The following ZNF780A variants were observed in gnomAD, a reference collection of about 807,000 sequenced individuals.
ZNF780A encodes the protein zinc finger protein 780A.
A neutral mutation model predicts 56.7 loss-of-function variants in ZNF780A; 40 were observed. The ratio of observed to expected loss-of-function variants is 0.71; its 90% CI spans 0.55 to 0.92. The LOEUF is 0.92. Among genes scored for constraint, ZNF780A ranks in the 40% least tolerant of loss-of-function variants. The pLI is 0.00. For missense variants in ZNF780A, 672 were observed against 783.3 expected (o/e 0.86, Z 1.70); for synonymous variants, 231 against 248.3 (o/e 0.93, Z 0.66).
downstream of ZNF780A, chr19:40,071,842 G>C (rs1973830158): frequency 6.6e-6 from 1 of 152,488 alleles, no homozygotes. Context: ...GCAACAAAGA[G>C]AACAACACTA....
chr19:40,085,451 A>C (rs1974741074), intron 2 of ZNF780A: 1 of 583,400 alleles, frequency 1.7e-6, no homozygotes, highest in Non-Finnish European at 2.2e-6. Context: ...TAATATGATT[A>C]CATTTGTAAA....
rs1237395345 is a variant in ZNF780A, at chr19:40,089,170, T to A, written c.-46+996A>T. ...TCTTGAAAAATGCTAGGAGGGTGGA[T>A]ATTAAGTGTTCTCACCACAAAAATG... On this transcript the variant is annotated intron_variant, in intron 2 of 5. Transcript: ENST00000683561. 36 of 1,230,260 alleles carry A rather than the reference T, an allele frequency of 2.9e-5. No individual in the cohort carries two copies. In the East Asian group the frequency reaches 9.7e-4, roughly 33 times the overall value. 76.2% of individuals were successfully genotyped at this position (1,230,260 alleles called of 1,614,324 possible).
intron 4 of ZNF780A, 43 bp from the exon 5 acceptor site, chr19:40,081,957 A>AT (rs34297473): frequency 0.019 from 23,939 of 1,229,882 alleles, 8 homozygotes; most frequent in East Asian, 0.021. Context: ...TTTAATACAG[A>AT]TTTTTTTTTT....
At chr19:40,089,977 G>C (rs866248739) in intron 2 of ZNF780A, among the ~76,000 whole-genome samples, 189 bp downstream of exon 2, 42 of 152,188 alleles carry the variant, frequency 2.8e-4, no homozygotes, top group African/African-American at 9.4e-4. Flanking sequence ...TACCAGCTTC[G>C]AAAAAGAGAG....
rs1452218001 is a variant in ZNF780A, at chr19:40,073,117, T to C, written c.*1399A>G. ...TGATTAAATAAAGGGTAAAGTGTCA[T>C]GATGTCTAAAACTTATTCTCAATGG... On this transcript the variant is annotated 3_prime_UTR_variant, in exon 6 of 6. Transcript: ENST00000683561. 7 of 1,287,636 alleles carry C rather than the reference T, an allele frequency of 5.4e-6. No individual in the cohort carries two copies. The highest frequency in any genetic ancestry group is 3.1e-5 in the African/African-American group (2 of 64,690). The allele number at this position is 1,287,636 out of a possible 1,614,324, so 79.8% of individuals were successfully genotyped here. A position where few individuals can be genotyped will look rare whatever the true frequency, so the allele number is the denominator to read the frequency against.
downstream of ZNF780A, chr19:40,072,968 C>T: frequency 6.5e-7 from 1 of 1,538,300 alleles, no homozygotes; most frequent in Non-Finnish European, 8.7e-7. Context: ...GTTTGGAAGC[C>T]AATGAAGAAA....
intron 4 of ZNF780A, among the ~76,000 whole-genome samples, chr19:40,082,547 TC>T (rs1156690621): frequency 6.6e-6 from 1 of 152,190 alleles, no homozygotes; most frequent in Non-Finnish European, 1.5e-5. Context: ...TAAATGAATT[TC>T]TGTCAACCCA....
At position 40,075,430 on chromosome 19, in the gene ZNF780A, A is replaced by G. The variant is rs200052618; in HGVS notation, c.1012T>C (p.Cys338Arg). Residue 338 changes from cysteine to arginine, a missense_variant, in exon 6 of 6, where the codon TGT (cysteine) becomes CGT (arginine). Physicochemically the swap from Cys to Arg is radical, Grantham distance 180 (BLOSUM62 -3). Coordinates refer to ENST00000683561, the MANE Select transcript of ZNF780A (RefSeq NM_001142578.2). ...TGEKPFECKE[C>R]GKAFTLLTKL... The stretch of plus-strand genomic sequence containing the variant: ...GTCAGAAGAGTAAACGCCTTTCCAC[A>G]TTCTTTACATTCAAAGGGTTTCTCA... 18 of 1,614,082 alleles carry G rather than the reference A, an allele frequency of 1.1e-5. No homozygotes were observed. Among genetic ancestry groups the G allele is most frequent in the Non-Finnish European group, 1.5e-5 (18 of 1,180,028 alleles).
rs755959824 is a variant in ZNF780A, at chr19:40,084,797, C to T, written c.-44G>A. 2 of 1,552,464 alleles carry T rather than the reference C, an allele frequency of 1.3e-6. No homozygotes were observed. The highest frequency in any genetic ancestry group is 2.0e-5 in the Admixed American group (1 of 51,162). On this transcript the variant is annotated splice_region_variant and 5_prime_UTR_variant, in exon 3 of 6. Coordinates refer to ENST00000683561, the MANE Select transcript of ZNF780A (RefSeq NM_001142578.2). The stretch of plus-strand genomic sequence containing the variant: ...CTGGTCAATCTTCCTCGGGCTTCTC[C>T]CCTGGAAAACAACAACAACAAAAAG...
intron 5 of ZNF780A, 110 bp from the exon 6 acceptor site, chr19:40,076,319 A>G: frequency 8.7e-7 from 1 of 1,148,936 alleles, no homozygotes; most frequent in Non-Finnish European, 1.2e-6. Flanking sequence ...ACCTTTATTG[A>G]TTTTATTAGC....
In ZNF780A at chr19:40,073,917, A is replaced by G. The variant is rs1281148546; in HGVS notation, c.*599T>C. 1 of 1,018,916 alleles carries G rather than the reference A, an allele frequency of 9.8e-7. No individual in the cohort carries two copies. The highest frequency in any genetic ancestry group is 1.2e-6 in the Non-Finnish European group (1 of 848,774). The allele number at this position is 1,018,916 out of a possible 1,614,324, so 63.1% of individuals were successfully genotyped here. On this transcript the variant is annotated 3_prime_UTR_variant, in exon 6 of 6. Transcript: ENST00000683561. ...GATCATCCACAGCAAATGCTTTCCC[A>G]TATTCCTTACATTATAGCGTTTCTC...
chr19:40,081,780 C>T (rs371852520), intron 5 of ZNF780A, 39 bp downstream of exon 5: 2 of 1,538,402 alleles, frequency 1.3e-6, no homozygotes, highest in South Asian at 1.1e-5. Context: ...ATGTCCAGGA[C>T]AATGATGGCT....
In ZNF780A at chr19:40,076,102, C is replaced by T; in HGVS notation, c.340G>A (p.Glu114Lys). 1.2e-6 allele frequency: 2 copies of T among 1,613,788 alleles called. No homozygotes were observed. The highest frequency in any genetic ancestry group is 1.7e-6 in the Non-Finnish European group (2 of 1,179,926). Residue 114 changes from glutamate (E) to lysine (K), a missense_variant, in exon 6 of 6, where the codon GAG becomes AAG. Transcript: ENST00000683561. ...GAGTCATTTCTAAAATAAAAGGCCTCAATGCCAAGAGTTGTACTTATTTGC... is the reference window on the plus strand; with the variant it reads ...GAGTCATTTCTAAAATAAAAGGCCTTAATGCCAAGAGTTGTACTTATTTGC... ...IKQISTTLGI[E>K]AFYFRNDSEY...
At chr19:40,087,088 T>G (rs1974845282) in intron 2 of ZNF780A, among the ~76,000 whole-genome samples, 1 of 152,190 alleles carries the variant, frequency 6.6e-6, no homozygotes, top group Non-Finnish European at 1.5e-5. Context: ...CATAATTCCT[T>G]ATAGACATCA....
downstream of ZNF780A, chr19:40,071,839 A>G (rs1368927820): frequency 6.6e-6 from 1 of 152,586 alleles, no homozygotes; most frequent in African/African-American, 2.4e-5. Context: ...TATGCAACAA[A>G]GAGAACAACA....
chr19:40,075,034 C>T lies in ZNF780A; in HGVS notation c.1408G>A (p.Asp470Asn), dbSNP rs962328000. ...LIEHSRIHTG[D>N]KPFECQDCGK... ...CAGTCTTGACATTCAAATGGCTTGT[C>T]ACCAGTATGAATTCGAGAATGTTCA... Residue 470 changes from aspartate to asparagine, a missense_variant, in exon 6 of 6, where the codon GAC becomes AAC. Asp to Asn is a conservative substitution (Grantham distance 23, BLOSUM62 1). Coordinates refer to ENST00000683561, the MANE Select transcript of ZNF780A (RefSeq NM_001142578.2). The T allele has an allele frequency of 5.0e-6, 8 of 1,614,108 alleles. No individual in the cohort carries two copies. Among genetic ancestry groups the T allele is most frequent in the Non-Finnish European group, 6.8e-6 (8 of 1,180,026 alleles).
chr19:40,074,113 C>A lies in ZNF780A; in HGVS notation c.*403G>T. Reference sequence around the variant, plus strand: ...TCCTTACATTCATAGAGTTTCTCACCAGTATGAATACTCTGATGTTGAACA... The same window carrying A: ...TCCTTACATTCATAGAGTTTCTCACAAGTATGAATACTCTGATGTTGAACA... On this transcript the variant is annotated 3_prime_UTR_variant, in exon 6 of 6. Transcript: ENST00000683561. 7.6e-7 allele frequency: 1 copy of A among 1,323,988 alleles called. No homozygotes were observed. Among genetic ancestry groups the A allele is most frequent in the South Asian group, 1.6e-5 (1 of 63,950 alleles). The allele number at this position is 1,323,988 out of a possible 1,614,324, so 82.0% of individuals were successfully genotyped here.
At position 40,074,385 on chromosome 19, in the gene ZNF780A, G is replaced by GAAT; in HGVS notation, c.*128_*130dup. ...TCACTGGAATGAATTTTCTGATGCT[G>GAAT]AATAACGTTTGAACCACAAATGAAG... is the stretch of plus-strand genomic sequence containing the variant. On this transcript the variant is annotated 3_prime_UTR_variant, in exon 6 of 6. Transcript: ENST00000683561. The GAAT allele has an allele frequency of 6.5e-7, 1 of 1,539,662 alleles. No individual in the cohort carries two copies. Among genetic ancestry groups the GAAT allele is most frequent in the Non-Finnish European group, 8.7e-7 (1 of 1,148,028 alleles).
In ZNF780A at chr19:40,073,095, T is replaced by C; in HGVS notation, c.*1421A>G. 2.2e-6 allele frequency: 3 copies of C among 1,343,670 alleles called. No homozygotes were observed. Among genetic ancestry groups the C allele is most frequent in the Non-Finnish European group, 2.9e-6 (3 of 1,046,042 alleles). The allele number at this position is 1,343,670 out of a possible 1,614,324, so 83.2% of individuals were successfully genotyped here. A position where few individuals can be genotyped will look rare whatever the true frequency, so the allele number is the denominator to read the frequency against. On this transcript the variant is annotated 3_prime_UTR_variant, in exon 6 of 6. Transcript: ENST00000683561. ...CATGTTTGGTTGATACACACGTTGA[T>C]TAAATAAAGGGTAAAGTGTCATGAT...
Sources: gnomAD v4.1 joint callset for allele counts (sites outside exome capture counted in the v4.1 genomes callset) on GRCh38, gnomAD v4.1.1 for gene constraint, MANE v1.5 for transcripts, NCBI Gene and HGNC (gene_info 2026-07-23, HGNC 2026-07-21) for gene names.